HMCN2: variants seen among roughly 807,000 people sequenced by gnomAD.
HMCN2 encodes the protein hemicentin 2.
In HMCN2, 325 loss-of-function variants were observed where a neutral mutation model predicts 377.5. That is an observed-to-expected ratio of 0.86 (90% CI 0.79 to 0.94). HMCN2 has a LOEUF of 0.94. Among genes scored for constraint, HMCN2 ranks in the 40% least tolerant of loss-of-function variants. The probability of loss-of-function intolerance (pLI) is 0.00; values close to 1 mark genes in which losing one functional copy is unlikely to be tolerated. For missense variants in HMCN2, 4,543 were observed against 4,725.3 expected, an observed-to-expected ratio of 0.96 and a Z score of 1.13; for synonymous variants, 2,007 against 2,046.8, an observed-to-expected ratio of 0.98 and a Z score of 0.53.
chr9:130,344,620 T>C (rs1839242759), intron 25 of HMCN2, among the ~76,000 whole-genome samples: 1 of 151,410 alleles, frequency 6.6e-6, no homozygotes, highest in Non-Finnish European at 1.5e-5. Context: ...TTGTGTGTAG[T>C]GTGTGATGTG....
At chr9:130,358,964 G>A (rs928916455) in intron 36 of HMCN2, among the ~76,000 whole-genome samples, 1 of 152,224 alleles carries the variant, frequency 6.6e-6, no homozygotes, top group South Asian at 2.1e-4. Flanking sequence ...GTGAGCCACG[G>A]TGGGATTTTT....
intron 61 of HMCN2, among the ~76,000 whole-genome samples, 153 bp downstream of exon 61, chr9:130,386,677 A>G (rs1425247227): frequency 6.6e-6 from 1 of 152,134 alleles, no homozygotes; most frequent in African/African-American, 2.4e-5. Context: ...CTATATCTAC[A>G]TCTCTTTCTT....
In HMCN2 at chr9:130,433,419, C is replaced by A; in HGVS notation, c.14966C>A (p.Pro4989Gln). 2 of 1,492,602 alleles carry A rather than the reference C, an allele frequency of 1.3e-6. No individual in the cohort carries two copies. Among genetic ancestry groups the A allele is most frequent in the Non-Finnish European group, 1.8e-6 (2 of 1,129,434 alleles). The allele number at this position is 1,492,602 out of a possible 1,614,324, so 92.5% of individuals were successfully genotyped here. Residue 4989 changes from proline (P) to glutamine (Q), a missense_variant, in exon 98 of 98, where the codon CCG (proline) becomes CAG (glutamine). Transcript: ENST00000683500. Reference sequence around the variant, plus strand: ...TCTACGCTGCAGTACCGGCTGCTGCCGCTGCCCCTGGGCGTGCGCGCCCAC... The same window carrying A: ...TCTACGCTGCAGTACCGGCTGCTGCAGCTGCCCCTGGGCGTGCGCGCCCAC... ...GPSTLQYRLL[P>Q]LPLGVRAHHD...
chr9:130,266,352 C>T (rs1554919026), intron 1 of HMCN2, among the ~76,000 whole-genome samples: 2 of 151,988 alleles, frequency 1.3e-5, no homozygotes, highest in Non-Finnish European at 2.9e-5. Context: ...AACATTCCCT[C>T]GCTCAAGGAA....
At chr9:130,408,451 C>T (rs1457877316) in intron 83 of HMCN2, among the ~76,000 whole-genome samples, 2 of 152,214 alleles carry the variant, frequency 1.3e-5, no homozygotes, top group Non-Finnish European at 1.5e-5. Context: ...CACTGCCTTC[C>T]TGCCTGTGCC....
intron 39 of HMCN2, among the ~76,000 whole-genome samples, chr9:130,362,441 C>A (rs1348999200): frequency 6.6e-6 from 1 of 152,230 alleles, no homozygotes; most frequent in Non-Finnish European, 1.5e-5. Context: ...GTTAATAATA[C>A]ACGTTAGTTA....
rs1842940862 is a variant in HMCN2, at chr9:130,403,320, T to C, written c.12005T>C (p.Val4002Ala). 3 of 1,289,790 alleles carry C rather than the reference T, an allele frequency of 2.3e-6. No individual in the cohort carries two copies. The highest frequency in any genetic ancestry group is 3.0e-6 in the Non-Finnish European group (3 of 988,856). The allele number at this position is 1,289,790 out of a possible 1,614,324, so 79.9% of individuals were successfully genotyped here. ...TITWQKEGLN[V>A]ATGVSTQVLP... The stretch of plus-strand genomic sequence containing the variant: ...ACCTGGCAGAAGGAAGGGCTCAACG[T>C]CGCTACTGGTGAGGGCCCCTGGCAG... The change falls in exon 79 of 98, where the codon GTC becomes GCC. Residue 4002 changes from valine to alanine, a missense_variant. Val to Ala is a moderately conservative substitution (Grantham distance 64). Around this residue, in one of 5 missense-constraint regions of HMCN2, gnomAD observed 1,073 missense variants for 1,319.5 expected, o/e 0.81. Transcript: ENST00000683500.
Position 130,403,776 on chromosome 9 carries a change from C to A in HMCN2, c.12049C>A (p.Arg4017=), listed in dbSNP as rs759760826. ...CCAGGTCCTACCAGGCGGACAGCTG[C>A]GGATTGCCCATGCCAGCCCAGAGGA... The part of the protein sequence containing the change: ...STQVLPGGQL[R]IAHASPEDAG... Residue 4017 remains arginine, a synonymous_variant, in exon 80 of 98, where the codon CGG becomes AGG. Transcript: ENST00000683500. The A allele has an allele frequency of 7.8e-7, 1 of 1,289,694 alleles. No homozygotes were observed. The highest frequency in any genetic ancestry group is 1.5e-5 in the African/African-American group (1 of 65,848). The allele number at this position is 1,289,694 out of a possible 1,614,324, so 79.9% of individuals were successfully genotyped here.
intron 36 of HMCN2, 35 bp from the exon 37 acceptor site, chr9:130,359,284 C>T: frequency 8.5e-7 from 1 of 1,177,926 alleles, no homozygotes; most frequent in Non-Finnish European, 1.1e-6. Flanking sequence ...AGAGCTTGCA[C>T]CTACCAAGCT....
At chr9:130,382,439 A>G in intron 55 of HMCN2, 142 bp downstream of exon 55, 1 of 250,346 alleles carries the variant, frequency 4.0e-6, no homozygotes, top group Non-Finnish European at 6.3e-6. Context: ...GCCTCAAAGA[A>G]TCATGCAGGA....
chr9:130,348,155 C>A, intron 26 of HMCN2: 3 of 570,398 alleles, frequency 5.3e-6, no homozygotes, highest in Non-Finnish European at 6.7e-6. Flanking sequence ...TCTGGCTAGC[C>A]CTGTAATGAC....
intron 29 of HMCN2, among the ~76,000 whole-genome samples, chr9:130,350,079 T>A (rs974387599): frequency 1.1e-4 from 17 of 151,420 alleles, no homozygotes; most frequent in South Asian, 1.0e-3. Flanking sequence ...GCTAATTTTT[T>A]AAAAAATGTT....
intron 23 of HMCN2, among the ~76,000 whole-genome samples, chr9:130,339,261 T>C (rs1281246806): frequency 6.6e-6 from 1 of 152,254 alleles, no homozygotes; most frequent in Non-Finnish European, 1.5e-5. Context: ...TGTTTATCTA[T>C]GTGCTGCCTG....
intron 4 of HMCN2, among the ~76,000 whole-genome samples, chr9:130,289,010 C>G (rs1247768161): frequency 1.3e-5 from 2 of 152,234 alleles, no homozygotes; most frequent in Non-Finnish European, 2.9e-5. Context: ...GCAGCCTCCC[C>G]CAAGTTCCCT....
intron 49 of HMCN2, among the ~76,000 whole-genome samples, chr9:130,375,044 AC>A (rs1248507001): frequency 1.3e-5 from 2 of 152,136 alleles, no homozygotes; most frequent in Non-Finnish European, 2.9e-5. Flanking sequence ...GACAATACAT[AC>A]CTACTATTCT....
intron 34 of HMCN2, among the ~76,000 whole-genome samples, chr9:130,357,059 AGGATGGATGGATGGAT>A (rs201419400): frequency 2.9e-3 from 307 of 106,158 alleles, no homozygotes; most frequent in Admixed American, 3.6e-3. Flanking sequence ...GATAGAAGGG[AGGATGGATGGATGGAT>A]GGATGGATGG....
intron 4 of HMCN2, among the ~76,000 whole-genome samples, chr9:130,291,544 TAAAA>T (rs1187882581): frequency 2.6e-5 from 4 of 152,190 alleles, no homozygotes; most frequent in Admixed American, 6.5e-5. Context: ...TTTACTTTAA[TAAAA>T]AATTACTATG....
chr9:130,369,573 C>G lies in HMCN2; in HGVS notation c.6791C>G (p.Pro2264Arg). The G allele has an allele frequency of 2.0e-6, 2 of 985,814 alleles. No homozygotes were observed. Among genetic ancestry groups the G allele is most frequent in the Non-Finnish European group, 2.4e-6 (2 of 829,958 alleles). 61.1% of individuals were successfully genotyped at this position (985,814 alleles called of 1,614,324 possible). ...GGCTTTCTCCCCACCCCAACAGTTC[C>G]CCCTCAGATTGCCGGTCCCCGGGAG... ...SQDLQLEVHV[P>R]PQIAGPREPP... is the part of the protein sequence containing the mutation. Residue 2264 changes from proline to arginine, a missense_variant, in exon 45 of 98, where the codon CCC (proline) becomes CGC (arginine). Pro to Arg is a moderately radical substitution (Grantham distance 103). Coordinates refer to ENST00000683500, the MANE Select transcript of HMCN2 (RefSeq NM_001291815.2). This position sits in a 1 kb window ranked among gnomAD's most constrained non-coding sequence, Gnocchi z 4.5.
chr9:130,346,256 A>G (rs1419388065), intron 25 of HMCN2, among the ~76,000 whole-genome samples: 1 of 152,088 alleles, frequency 6.6e-6, no homozygotes, highest in African/African-American at 2.4e-5. Flanking sequence ...GTGTGCCTCA[A>G]AGGGGTCACT....
Sources: gnomAD v4.1 joint callset for allele counts (sites outside exome capture counted in the v4.1 genomes callset) on GRCh38, gnomAD v4.1.1 for gene constraint, gnomAD v4.1.1 regional missense constraint, Gnocchi (gnomAD v3.1) non-coding constraint, MANE v1.5 for transcripts, NCBI Gene and HGNC (gene_info 2026-07-23, HGNC 2026-07-21) for gene names.